The following PARVG variants were observed in gnomAD, a reference collection of about 807,000 sequenced individuals.
The protein encoded by PARVG is parvin gamma.
PARVG carries 36 observed loss-of-function variants against 44.4 expected under a neutral mutation model. The ratio of observed to expected loss-of-function variants is 0.81; its 90% CI spans 0.62 to 1.07. PARVG has a LOEUF of 1.07. Ranked by LOEUF, PARVG falls within the 50% of genes least tolerant of loss-of-function variation. PARVG has a pLI of 0.00. For synonymous variants in PARVG, 170 were observed against 174.1 expected, an observed-to-expected ratio of 0.98 and a Z score of 0.19; for missense variants, 407 against 407.4, an observed-to-expected ratio of 1.00 and a Z score of 0.01.
intron 4 of PARVG, chr22:44,186,255 C>T (rs143840134): frequency 6.2e-4 from 197 of 317,586 alleles, no homozygotes; most frequent in African/African-American, 3.8e-3. Context: ...CCCCTAAGCC[C>T]GTGCTCCTCC....
At chr22:44,187,185 C>T (rs1453746053) in intron 4 of PARVG, 2 of 171,332 alleles carry the variant, frequency 1.2e-5, no homozygotes, top group African/African-American at 4.8e-5. Context: ...AGGCCCTCAA[C>T]CAAGGGGTCG....
chr22:44,196,312 T>C, intron 10 of PARVG, 35 bp from the exon 11 acceptor site: 3 of 1,614,042 alleles, frequency 1.9e-6, no homozygotes, highest in Non-Finnish European at 2.5e-6. Flanking sequence ...CCATCACACC[T>C]GCTGTGTGCT....
At position 44,208,144 on chromosome 22, in the gene PARVG, C is replaced by T. The variant is rs2054803524; in HGVS notation, c.*1718C>T. On this transcript the variant is annotated 3_prime_UTR_variant, in exon 14 of 14. Coordinates refer to ENST00000444313, the MANE Select transcript of PARVG (RefSeq NM_022141.7). ...TTGGGCCCCATCCGCTGCAGGCTGGCTCTGCCTGGCTGTTCCACGTCCTCA... is the reference window on the plus strand; with the variant it reads ...TTGGGCCCCATCCGCTGCAGGCTGGTTCTGCCTGGCTGTTCCACGTCCTCA... 6.6e-6 allele frequency: 1 copy of T among 152,200 alleles called. No homozygotes were observed. 9.4% of individuals were successfully genotyped at this position (152,200 alleles called of 1,614,324 possible). A position where few individuals can be genotyped will look rare whatever the true frequency, so the allele number is the denominator to read the frequency against.
intron 3 of PARVG, chr22:44,183,738 G>A (rs2054421273): frequency 9.6e-6 from 4 of 417,830 alleles, no homozygotes; most frequent in South Asian, 1.6e-4. Context: ...GCGGGCATCA[G>A]TGCCTGCTTT....
At chr22:44,177,205 T>C (rs1432482369), upstream of PARVG, among the ~76,000 whole-genome samples, 1 of 152,246 alleles carries the variant, frequency 6.6e-6, no homozygotes, top group Admixed American at 6.5e-5. Context: ...TATATTTCTT[T>C]AGACGCACAC....
intron 2 of PARVG, 92 bp from the exon 3 acceptor site, chr22:44,183,226 C>T: frequency 3.3e-6 from 4 of 1,211,158 alleles, no homozygotes. Flanking sequence ...CTTCTACCCT[C>T]CTTCTGTGCC....
intron 11 of PARVG, 76 bp from the exon 12 acceptor site, chr22:44,198,545 C>A: frequency 1.8e-6 from 2 of 1,121,060 alleles, no homozygotes; most frequent in Non-Finnish European, 2.7e-6. Context: ...TCCTTAGGGC[C>A]ACACAGCCTG....
chr22:44,174,540 C>T (rs2054300572), intron 1 of PARVG, among the ~76,000 whole-genome samples: 1 of 146,378 alleles, frequency 6.8e-6, no homozygotes, highest in African/African-American at 2.6e-5. Flanking sequence ...AACCCTGTCT[C>T]CGCTAAAAAC....
At chr22:44,199,657 A>G (rs935308674) in intron 12 of PARVG, among the ~76,000 whole-genome samples, 1 of 152,190 alleles carries the variant, frequency 6.6e-6, no homozygotes, top group African/African-American at 2.4e-5. Context: ...TGGAAGAATG[A>G]GGGCTTAGAA....
chr22:44,201,148 G>C (rs749363574), intron 12 of PARVG, among the ~76,000 whole-genome samples: 1 of 152,092 alleles, frequency 6.6e-6, no homozygotes, highest in Non-Finnish European at 1.5e-5. Context: ...CCCTGGGCGG[G>C]CGGCCAGCTC....
chr22:44,188,036 G>A (rs1433273507), intron 5 of PARVG, 158 bp downstream of exon 5: 3 of 753,632 alleles, frequency 4.0e-6, no homozygotes, highest in African/African-American at 1.7e-5. Context: ...CTGGGGAGAT[G>A]GAGGCGCTGT....
chr22:44,204,626 A>G (rs2054754071), intron 12 of PARVG, among the ~76,000 whole-genome samples: 1 of 152,242 alleles, frequency 6.6e-6, no homozygotes, highest in African/African-American at 2.4e-5. Context: ...CGCTCGGCCA[A>G]CCTGGCCTCT....
chr22:44,202,944 G>A (rs572839885), intron 12 of PARVG, among the ~76,000 whole-genome samples: 1 of 152,294 alleles, frequency 6.6e-6, no homozygotes, highest in South Asian at 2.1e-4. Flanking sequence ...GGATTTGCAC[G>A]TATCCTCCCG....
intron 3 of PARVG, chr22:44,185,279 T>A (rs1304698391): frequency 1.3e-5 from 2 of 155,376 alleles, no homozygotes; most frequent in East Asian, 3.8e-4. Context: ...AACTAGTTGA[T>A]CTCAGAGGTC....
intron 1 of PARVG, among the ~76,000 whole-genome samples, chr22:44,175,568 G>A (rs2054311193): frequency 6.6e-6 from 1 of 152,250 alleles, no homozygotes. Flanking sequence ...ACCAGGGTGA[G>A]GCTTTGCCCT....
chr22:44,179,447 T>C (rs550550633), upstream of PARVG, among the ~76,000 whole-genome samples: 1 of 152,350 alleles, frequency 6.6e-6, no homozygotes, highest in Non-Finnish European at 1.5e-5. This position sits in a 1 kb window ranked among gnomAD's most constrained non-coding sequence, Gnocchi z 4.2. Context: ...GCCCTGGGAC[T>C]GTCCTTTTCT....
Position 44,196,352 on chromosome 22 carries a change from C to T in PARVG, c.648C>T (p.Ile216=), listed in dbSNP as rs760608899. The T allele has an allele frequency of 1.1e-5, 17 of 1,614,100 alleles. No individual in the cohort carries two copies. Among genetic ancestry groups the T allele is most frequent in the African/African-American group, 6.7e-5 (5 of 74,942 alleles). ...PEKVNAVKEA[I]VNFVNQKLDR... The stretch of plus-strand genomic sequence containing the variant: ...CCTTGTTCTTCCCTGGTTAGGCCAT[C>T]GTGAACTTTGTCAACCAGAAGCTGG... Residue 216 remains isoleucine, a synonymous_variant, in exon 11 of 14, where the codon ATC becomes ATT. Transcript: ENST00000444313.
intron 3 of PARVG, chr22:44,185,437 C>G (rs954126842): frequency 5.6e-6 from 1 of 179,894 alleles, no homozygotes; most frequent in Non-Finnish European, 1.2e-5. Flanking sequence ...GCCTGGCAGA[C>G]CTGGGGTAAG....
rs1569191277 is a variant in PARVG, at chr22:44,207,007, G to A, written c.*581G>A. On this transcript the variant is annotated 3_prime_UTR_variant, in exon 14 of 14. Coordinates refer to ENST00000444313, the MANE Select transcript of PARVG (RefSeq NM_022141.7). ...CGGGCTGTGTCCTGCAGCTGCCCTC[G>A]TGAGTTTTGCCCAAAAGTCACAAAG... 6.5e-6 allele frequency: 1 copy of A among 153,776 alleles called. No individual in the cohort carries two copies. Among genetic ancestry groups the A allele is most frequent in the Non-Finnish European group, 1.4e-5 (1 of 69,298 alleles). The allele number at this position is 153,776 out of a possible 1,614,324, so 9.5% of individuals were successfully genotyped here.
Sources: gnomAD v4.1 joint callset for allele counts (sites outside exome capture counted in the v4.1 genomes callset) on GRCh38, gnomAD v4.1.1 for gene constraint, Gnocchi (gnomAD v3.1) non-coding constraint, MANE v1.5 for transcripts, NCBI Gene and HGNC (gene_info 2026-07-23, HGNC 2026-07-21) for gene names.